NFIB: variants seen among roughly 807,000 people sequenced by gnomAD.
NFIB encodes nuclear factor 1 B-type.
NFIB carries 11 observed loss-of-function variants against 61.5 expected under a neutral mutation model. The observed-to-expected ratio is 0.18, with a 90% confidence interval of 0.11 to 0.30. The LOEUF (loss-of-function observed/expected upper bound fraction) is 0.30. Among genes scored for constraint, NFIB ranks in the 10% least tolerant of loss-of-function variants. NFIB has a pLI of 1.00. For missense variants in NFIB, 471 were observed against 608.9 expected (o/e 0.77, Z 2.38); for synonymous variants, 260 against 216.5 (o/e 1.20, Z -1.76).
At chr9:14,441,211 A>G in the NFIB span, among the ~76,000 whole-genome samples, 2 of 152,042 alleles carry the variant, frequency 1.3e-5, no homozygotes, top group Admixed American at 1.3e-4. Flanking sequence ...AATGTAGGAT[A>G]AACTATTCAT....
chr9:14,199,550 G>T (rs1315949843), intron 2 of NFIB, among the ~76,000 whole-genome samples: 1 of 152,212 alleles, frequency 6.6e-6, no homozygotes, highest in Non-Finnish European at 1.5e-5. Context: ...ATCTTAGAAT[G>T]TTAAGAGCTG....
chr9:14,204,486 T>C, intron 2 of NFIB: 1 of 1,044,022 alleles, frequency 9.6e-7, no homozygotes, highest in East Asian at 2.4e-5. Context: ...CCTCCTGCGA[T>C]TAACCAGTTC....
At chr9:14,322,275 G>T in intron 1 of NFIB, 1 of 411,634 alleles carries the variant, frequency 2.4e-6, no homozygotes, top group Non-Finnish European at 3.8e-6. Flanking sequence ...TCTCGTGCTT[G>T]ACTTGAACGC....
chr9:14,303,076 C>T (rs1350310046), intron 2 of NFIB, among the ~76,000 whole-genome samples: 1 of 152,142 alleles, frequency 6.6e-6, no homozygotes, highest in Non-Finnish European at 1.5e-5. Context: ...GCATAGGTCT[C>T]CTCTTTAAAG....
At chr9:14,441,733 G>A in the NFIB span, among the ~76,000 whole-genome samples, 1 of 152,086 alleles carries the variant, frequency 6.6e-6, no homozygotes, top group African/African-American at 2.4e-5. Context: ...GGCCGTGGAA[G>A]AGAATCACCA....
intron 2 of NFIB, among the ~76,000 whole-genome samples, chr9:14,227,579 A>G (rs1231560217): frequency 6.6e-6 from 1 of 152,206 alleles, no homozygotes; most frequent in Non-Finnish European, 1.5e-5. Context: ...TGGCATGAAA[A>G]TTTACAACGG....
At chr9:14,439,075 G>C in the NFIB span, among the ~76,000 whole-genome samples, 6,377 of 152,294 alleles carry the variant, frequency 0.042, 137 homozygotes, top group Non-Finnish European at 0.05. Flanking sequence ...GCTACTTTTT[G>C]TTAAGAAGTT....
At chr9:14,329,673 C>A (rs1201627817) in intron 1 of NFIB, among the ~76,000 whole-genome samples, 2 of 151,916 alleles carry the variant, frequency 1.3e-5, no homozygotes, top group African/African-American at 4.8e-5. Flanking sequence ...TACCACCATG[C>A]CTGGCCAATT....
At chr9:14,482,675 A>G in the NFIB span, among the ~76,000 whole-genome samples, 1 of 152,206 alleles carries the variant, frequency 6.6e-6, no homozygotes, top group South Asian at 2.1e-4. Flanking sequence ...GTTTATATCA[A>G]TATTTAAATA....
At chr9:14,410,970 G>C in the NFIB span, among the ~76,000 whole-genome samples, 1 of 152,120 alleles carries the variant, frequency 6.6e-6, no homozygotes, top group South Asian at 2.1e-4. Context: ...CCTTGCAAAG[G>C]TCAGTATATT....
intron 6 of NFIB, 152 bp from the exon 7 acceptor site, chr9:14,125,918 G>GTCT (rs1410154254): frequency 6.8e-5 from 70 of 1,023,078 alleles, no homozygotes; most frequent in Non-Finnish European, 7.9e-5. Context: ...CGATCCAGCT[G>GTCT]TCTTGGAGCT....
rs534601150 is a variant in NFIB at position 14,135,867 on chromosome 9, A to G, written c.926-10101T>C. On this transcript the variant is annotated intron_variant, in intron 6 of 10. Transcript: ENST00000380953. ...AATAAATGAAATTCTTACTTTAATT[A>G]CTGAGTTATTTAATCTTAATTACAC... 2.0e-5 allele frequency among the ~76,000 whole-genome samples: 3 copies of G among 152,302 alleles called. No individual in the cohort carries two copies. In the East Asian group the frequency reaches 5.8e-4, roughly 29 times the overall value.
intron 2 of NFIB, among the ~76,000 whole-genome samples, chr9:14,239,807 T>A (rs1428357242): frequency 6.6e-6 from 1 of 152,146 alleles, no homozygotes; most frequent in Non-Finnish European, 1.5e-5. Flanking sequence ...CCCAGCAGAA[T>A]AAATTATGAA....
chr9:14,245,880 GATAATA>G (rs1048719688), intron 2 of NFIB, among the ~76,000 whole-genome samples: 3 of 151,952 alleles, frequency 2.0e-5, no homozygotes, highest in East Asian at 1.9e-4. Context: ...CTCGAAAAAT[GATAATA>G]ATAATAAGTA....
At chr9:14,422,041 A>G in the NFIB span, among the ~76,000 whole-genome samples, 1 of 152,220 alleles carries the variant, frequency 6.6e-6, no homozygotes, top group African/African-American at 2.4e-5. Flanking sequence ...GAGTACAGAA[A>G]AAGTAATTAT....
intron 3 of NFIB, among the ~76,000 whole-genome samples, chr9:14,166,510 T>A (rs930355625): frequency 6.6e-6 from 1 of 152,202 alleles, no homozygotes; most frequent in African/African-American, 2.4e-5. Context: ...ATTTTCTTCA[T>A]CCACGAAATG....
chr9:14,435,858 C>A, the NFIB span, among the ~76,000 whole-genome samples: 6 of 152,176 alleles, frequency 3.9e-5, no homozygotes, highest in Admixed American at 6.5e-5. Flanking sequence ...TTCCGAATGA[C>A]CACAAAAGAT....
At chr9:14,457,694 G>A in the NFIB span, among the ~76,000 whole-genome samples, 14 of 151,864 alleles carry the variant, frequency 9.2e-5, no homozygotes, top group African/African-American at 3.4e-4. Context: ...TATCACCACC[G>A]ATCCCACAGA....
chr9:14,158,849 A>G (rs949513528), intron 3 of NFIB, among the ~76,000 whole-genome samples: 1 of 152,248 alleles, frequency 6.6e-6, no homozygotes, highest in Non-Finnish European at 1.5e-5. Flanking sequence ...ATTTAATACA[A>G]AGTAACAACC....
Sources: gnomAD v4.1 joint callset for allele counts (sites outside exome capture counted in the v4.1 genomes callset) on GRCh38, gnomAD v4.1.1 for gene constraint, MANE v1.5 for transcripts, NCBI Gene and HGNC (gene_info 2026-07-23, HGNC 2026-07-21) for gene names.